Variants in WWOX observed in about 807,000 individuals in gnomAD.
WWOX encodes the protein WW domain containing oxidoreductase, also known as WW domain-containing oxidoreductase.
In WWOX, 69 loss-of-function variants were observed where a neutral mutation model predicts 46.2. The ratio of observed to expected loss-of-function variants is 1.49; its 90% CI spans 1.23 to 1.82. WWOX has a LOEUF of 1.82. Among genes scored for constraint, WWOX ranks in the 40% most tolerant of loss-of-function variants. The pLI, the probability that WWOX is intolerant of heterozygous loss-of-function variation, is 0.00. For synonymous variants in WWOX, 359 were observed against 202.6 expected, an observed-to-expected ratio of 1.77 and a Z score of -6.56; for missense variants, 919 against 542.6, an observed-to-expected ratio of 1.69 and a Z score of -6.89.
chr16:79,174,518 G>C (rs145643401), intron 8 of WWOX, among the ~76,000 whole-genome samples: 1 of 152,136 alleles, frequency 6.6e-6, no homozygotes, highest in African/African-American at 2.4e-5. Flanking sequence ...GCGTGGTGGC[G>C]CATGCCTATA....
At chr16:78,723,796 C>T (rs2048757932) in intron 8 of WWOX, among the ~76,000 whole-genome samples, 1 of 151,966 alleles carries the variant, frequency 6.6e-6, no homozygotes, top group African/African-American at 2.4e-5. Flanking sequence ...GCTTCTTGTT[C>T]TCGTATCACT....
At chr16:78,116,192 A>G (rs2032780829) in intron 4 of WWOX, among the ~76,000 whole-genome samples, 2 of 152,038 alleles carry the variant, frequency 1.3e-5, no homozygotes, top group African/African-American at 4.8e-5. Context: ...TGTGCAATTA[A>G]GTTATTATTA....
intron 5 of WWOX, chr16:78,237,683 C>T (rs1418578348): frequency 1.3e-5 from 2 of 152,030 alleles, no homozygotes; most frequent in Non-Finnish European, 2.9e-5. Context: ...TTTCAATCAT[C>T]TGCAAAAAAG....
chr16:78,756,980 C>G, intron 8 of WWOX: 1 of 702,930 alleles, frequency 1.4e-6, no homozygotes. Context: ...TCAAGCATAC[C>G]CGTGTAGAAG....
intron 8 of WWOX, among the ~76,000 whole-genome samples, chr16:79,166,040 T>A (rs1286930648): frequency 1.3e-5 from 2 of 152,218 alleles, no homozygotes; most frequent in Non-Finnish European, 2.9e-5. Context: ...GGTACAGTGA[T>A]CTCCTTTAAA....
chr16:78,923,292 T>C lies in WWOX; in HGVS notation c.1057-288316T>C, dbSNP rs113605966. On this transcript the variant is annotated intron_variant, in intron 8 of 8. Transcript: ENST00000566780. The stretch of plus-strand genomic sequence containing the variant: ...CACTGTGCCCGGCCATCTTTCTTTT[T>C]CTTCCTCTCCTTCTACCTTGCCCAC... 2.6e-4 allele frequency among the ~76,000 whole-genome samples: 39 copies of C among 152,300 alleles called. 1 individual carries two copies. Among genetic ancestry groups the C allele is most frequent in the African/African-American group, 8.7e-4 (36 of 41,570 alleles).
intron 8 of WWOX, among the ~76,000 whole-genome samples, chr16:79,183,977 G>C (rs1333928468): frequency 6.6e-6 from 1 of 152,172 alleles, no homozygotes; most frequent in African/African-American, 2.4e-5. Context: ...CTTTGCCCTT[G>C]TCACTTTCTC....
At chr16:78,394,404 C>G (rs1379585715) in intron 6 of WWOX, among the ~76,000 whole-genome samples, 1 of 151,506 alleles carries the variant, frequency 6.6e-6, no homozygotes, top group East Asian at 2.0e-4. Flanking sequence ...CATACATTTT[C>G]CATCCTAAGG....
At chr16:78,624,919 A>C (rs1432586036) in intron 8 of WWOX, among the ~76,000 whole-genome samples, 2 of 152,168 alleles carry the variant, frequency 1.3e-5, no homozygotes, top group African/African-American at 4.8e-5. Flanking sequence ...TGTACACACA[A>C]AACCCTGTTC....
chr16:78,132,967 A>C (rs544441676), intron 4 of WWOX, among the ~76,000 whole-genome samples: 232 of 152,286 alleles, frequency 1.5e-3, no homozygotes, highest in African/African-American at 5.4e-3. Context: ...ATGATTTTAC[A>C]TTCTGTCAAG....
intron 8 of WWOX, among the ~76,000 whole-genome samples, chr16:78,456,835 C>T (rs933285423): frequency 6.6e-6 from 1 of 152,212 alleles, no homozygotes; most frequent in African/African-American, 2.4e-5. Flanking sequence ...ACCATGTTAA[C>T]ATGATTTAAA....
At chr16:78,865,843 C>T (rs2043991910) in intron 8 of WWOX, among the ~76,000 whole-genome samples, 4 of 152,218 alleles carry the variant, frequency 2.6e-5, no homozygotes, top group Non-Finnish European at 5.9e-5. Flanking sequence ...TGCACCACCG[C>T]ACTCCAGCCT....
At chr16:78,237,014 C>T (rs538530834) in intron 5 of WWOX, among the ~76,000 whole-genome samples, 1 of 142,714 alleles carries the variant, frequency 7.0e-6, no homozygotes, top group African/African-American at 2.6e-5. Context: ...GCGGAGGTTG[C>T]AGTGAGCCGA....
intron 5 of WWOX, among the ~76,000 whole-genome samples, chr16:78,290,214 A>T (rs575115814): frequency 6.6e-6 from 1 of 152,106 alleles, no homozygotes; most frequent in Non-Finnish European, 1.5e-5. Flanking sequence ...ACTTGGCAAC[A>T]TTTACTTAGA....
chr16:78,486,955 A>C (rs941193424), intron 8 of WWOX, among the ~76,000 whole-genome samples: 1 of 152,184 alleles, frequency 6.6e-6, no homozygotes, highest in Non-Finnish European at 1.5e-5. Context: ...CTAACAGGGC[A>C]TCCCTGCACA....
intron 8 of WWOX, among the ~76,000 whole-genome samples, chr16:78,704,070 A>G (rs746799144): frequency 6.6e-6 from 1 of 151,860 alleles, no homozygotes; most frequent in Non-Finnish European, 1.5e-5. Flanking sequence ...TCTCCCAGCC[A>G]TCTGTTTCAA....
chr16:78,700,773 T>C (rs2048198159), intron 8 of WWOX, among the ~76,000 whole-genome samples: 1 of 152,226 alleles, frequency 6.6e-6, no homozygotes. Context: ...ATCGCTAGCA[T>C]GGTGCTTGGC....
intron 8 of WWOX, among the ~76,000 whole-genome samples, chr16:78,729,025 T>C (rs1174167986): frequency 6.6e-6 from 1 of 152,076 alleles, no homozygotes; most frequent in Non-Finnish European, 1.5e-5. Context: ...CCCCTAAAGA[T>C]ATCCCGCCCC....
chr16:79,008,331 G>A (rs549966359), intron 8 of WWOX, among the ~76,000 whole-genome samples: 8 of 152,272 alleles, frequency 5.3e-5, no homozygotes, highest in African/African-American at 1.7e-4. Context: ...AGGGCCTAGC[G>A]ATTAGATCAG....
Sources: allele counts gnomAD v4.1 joint callset (sites outside exome capture counted in the v4.1 genomes callset), GRCh38; gene constraint gnomAD v4.1.1; transcripts MANE v1.5; gene names NCBI Gene and HGNC (gene_info 2026-07-23, HGNC 2026-07-21).